Variants in TRDN observed in about 807,000 individuals in gnomAD.
The protein encoded by TRDN is triadin.
TRDN carries 161 observed loss-of-function variants against 149.7 expected under a neutral mutation model. The ratio of observed to expected loss-of-function variants is 1.08; its 90% CI spans 0.95 to 1.23. TRDN has a LOEUF of 1.23. TRDN is among the 50% of genes most tolerant of loss of function. The pLI, the probability that TRDN is intolerant of heterozygous loss-of-function variation, is 0.00. For missense variants in TRDN, 896 were observed against 823.5 expected, an observed-to-expected ratio of 1.09 and a Z score of -1.08; for synonymous variants, 294 against 250.5, an observed-to-expected ratio of 1.17 and a Z score of -1.64.
intron 21 of TRDN, 71 bp downstream of exon 21, chr6:123,352,468 T>A: frequency 6.3e-7 from 1 of 1,590,784 alleles, no homozygotes. Flanking sequence ...CCTGTCTGAA[T>A]CCAGTGCTTT....
rs186717325 is a variant in TRDN, at chr6:123,591,303, T to C, written c.23-20171A>G. Among the ~76,000 whole-genome samples the C allele has an allele frequency of 2.7e-3, 414 of 152,318 alleles. 3 individuals are homozygous for C. The highest frequency in any genetic ancestry group is 9.4e-3 in the African/African-American group (392 of 41,576). On this transcript the variant is annotated intron_variant, in intron 1 of 40. Coordinates refer to ENST00000334268, the MANE Select transcript of TRDN (RefSeq NM_006073.4). ...TCTTGTTGCCCAGGCTGGGGTGCAG[T>C]GGCACGATCTTGGCTCACTGCAACC...
chr6:123,513,103 A>T (rs1779254522), intron 6 of TRDN, among the ~76,000 whole-genome samples: 1 of 152,168 alleles, frequency 6.6e-6, no homozygotes, highest in Non-Finnish European at 1.5e-5. Flanking sequence ...TCCCTAACAC[A>T]TGCAGAGCTG....
intron 9 of TRDN, among the ~76,000 whole-genome samples, chr6:123,473,131 C>G (rs1325438060): frequency 6.6e-6 from 1 of 152,016 alleles, no homozygotes; most frequent in African/African-American, 2.4e-5. Flanking sequence ...AGGCTTCAGA[C>G]GATCAAATTA....
chr6:123,493,610 T>C (rs1319412686), intron 9 of TRDN, among the ~76,000 whole-genome samples: 100 of 152,244 alleles, frequency 6.6e-4, no homozygotes, highest in Non-Finnish European at 4.4e-5. Context: ...AAAAATCAAA[T>C]TATAGTTTTA....
rs1784836136 is a variant in TRDN, at chr6:123,611,984, G to C, written c.22+24770C>G. On this transcript the variant is annotated intron_variant, in intron 1 of 40. Transcript: ENST00000334268. Reference sequence around the variant, plus strand: ...CAGCATATGAAGAAAAGTTTTTCTTGGTTCAAACCTTTCAACTTAAGTCAA... The same window carrying C: ...CAGCATATGAAGAAAAGTTTTTCTTCGTTCAAACCTTTCAACTTAAGTCAA... 2.0e-5 allele frequency among the ~76,000 whole-genome samples: 3 copies of C among 151,806 alleles called. No homozygotes were observed. In the South Asian group the frequency reaches 6.2e-4, roughly 32 times the overall value.
At chr6:123,408,056 C>T (rs1773269112) in intron 12 of TRDN, among the ~76,000 whole-genome samples, 1 of 152,120 alleles carries the variant, frequency 6.6e-6, no homozygotes, top group East Asian at 1.9e-4. Context: ...CCTCAGTTTC[C>T]CAAATATGGC....
At chr6:123,242,749 G>A (rs1156514480) in intron 38 of TRDN, among the ~76,000 whole-genome samples, 1 of 152,042 alleles carries the variant, frequency 6.6e-6, no homozygotes, top group Non-Finnish European at 1.5e-5. Context: ...GGAATATGGG[G>A]AAAGTGTAAG....
chr6:123,294,532 G>T (rs1778125072), intron 24 of TRDN, among the ~76,000 whole-genome samples: 1 of 152,158 alleles, frequency 6.6e-6, no homozygotes, highest in African/African-American at 2.4e-5. Flanking sequence ...CAGATCATCA[G>T]GCATTAGATT....
intron 12 of TRDN, among the ~76,000 whole-genome samples, chr6:123,417,748 T>G (rs1773714872): frequency 6.6e-6 from 1 of 152,186 alleles, no homozygotes; most frequent in Non-Finnish European, 1.5e-5. Flanking sequence ...CCTAAAGCCT[T>G]CAGGGCCAAG....
intron 29 of TRDN, among the ~76,000 whole-genome samples, chr6:123,272,155 T>C (rs1777225741): frequency 6.6e-6 from 1 of 151,976 alleles, no homozygotes; most frequent in South Asian, 2.1e-4. Flanking sequence ...AAACCCATTG[T>C]ATACAGATTT....
chr6:123,530,272 A>C (rs1399880870), intron 5 of TRDN, among the ~76,000 whole-genome samples: 5 of 151,786 alleles, frequency 3.3e-5, no homozygotes, highest in Non-Finnish European at 7.4e-5. Flanking sequence ...TTTAAAAATT[A>C]TTACACATTT....
chr6:123,583,435 G>A (rs185667884), intron 1 of TRDN, among the ~76,000 whole-genome samples: 7 of 152,238 alleles, frequency 4.6e-5, no homozygotes, highest in Non-Finnish European at 1.0e-4. Flanking sequence ...TCTGAGAAGG[G>A]AAAGTCATAA....
chr6:123,235,368 C>G (rs1775748091), intron 38 of TRDN, among the ~76,000 whole-genome samples: 1 of 152,016 alleles, frequency 6.6e-6, no homozygotes, highest in African/African-American at 2.4e-5. Context: ...ACTGACAAGC[C>G]AGGGCTCACT....
intron 40 of TRDN, among the ~76,000 whole-genome samples, chr6:123,221,213 A>G (rs2114497927): frequency 1.3e-5 from 2 of 151,936 alleles, no homozygotes; most frequent in Middle Eastern, 6.8e-3. Context: ...AGATTCAGCC[A>G]GAGTACTAAG....
At chr6:123,595,393 C>T (rs1783984619) in intron 1 of TRDN, among the ~76,000 whole-genome samples, 1 of 152,092 alleles carries the variant, frequency 6.6e-6, no homozygotes, top group African/African-American at 2.4e-5. Context: ...GTAAATGGGA[C>T]AAAGCCAATT....
At position 123,252,410 on chromosome 6, in the gene TRDN, A is replaced by G; in HGVS notation, c.1975+2T>C. 6.6e-7 allele frequency: 1 copy of G among 1,518,868 alleles called. No individual in the cohort carries two copies. The highest frequency in any genetic ancestry group is 9.0e-7 in the Non-Finnish European group (1 of 1,113,164). The allele number at this position is 1,518,868 out of a possible 1,614,324, so 94.1% of individuals were successfully genotyped here. A position where few individuals can be genotyped will look rare whatever the true frequency, so the allele number is the denominator to read the frequency against. On this transcript the variant is annotated splice_donor_variant, in intron 38 of 40. Coordinates refer to ENST00000334268, the MANE Select transcript of TRDN (RefSeq NM_006073.4). LOFTEE classifies it high-confidence loss of function. ...CTTGTCATTAATACAAACCGTACTT[A>G]CTTGATACTCTTGCAGGTTTTTCTG...
At chr6:123,581,743 C>T (rs1322820317) in intron 1 of TRDN, among the ~76,000 whole-genome samples, 1 of 152,128 alleles carries the variant, frequency 6.6e-6, no homozygotes, top group Admixed American at 6.5e-5. Context: ...AAGGCTACAA[C>T]AGTGGAGGAA....
chr6:123,624,015 G>C (rs1785526006), intron 1 of TRDN, among the ~76,000 whole-genome samples: 1 of 152,138 alleles, frequency 6.6e-6, no homozygotes, highest in Non-Finnish European at 1.5e-5. Context: ...CCCAGTGTCA[G>C]AGAGTTACAT....
intron 1 of TRDN, among the ~76,000 whole-genome samples, chr6:123,586,214 G>A (rs1024622054): frequency 2.6e-5 from 4 of 152,114 alleles, no homozygotes; most frequent in Admixed American, 6.5e-5. Context: ...TAAATTGCTG[G>A]GCAGGTGAGG....
Sources: allele counts gnomAD v4.1 joint callset (sites outside exome capture counted in the v4.1 genomes callset), GRCh38; gene constraint gnomAD v4.1.1; transcripts MANE v1.5; gene names NCBI Gene and HGNC (gene_info 2026-07-23, HGNC 2026-07-21).